Variants in FREM1 observed in about 807,000 individuals in gnomAD.
FREM1 encodes FRAS1-related extracellular matrix protein 1.
Under a neutral mutation model 210.1 loss-of-function variants are expected in FREM1, and 220 were observed. The ratio of observed to expected loss-of-function variants is 1.05; its 90% CI spans 0.94 to 1.17. FREM1 has a LOEUF of 1.17. Among genes scored for constraint, FREM1 ranks in the 50% most tolerant of loss-of-function variants. The pLI is 0.00. For missense variants in FREM1, 3,454 were observed against 2,675.5 expected (o/e 1.29, Z -6.42); for synonymous variants, 1,189 against 980.2 (o/e 1.21, Z -3.98).
At chr9:14,768,454 G>C (rs1322940407) in intron 27 of FREM1, among the ~76,000 whole-genome samples, 1 of 151,890 alleles carries the variant, frequency 6.6e-6, no homozygotes, top group Non-Finnish European at 1.5e-5. Context: ...TTAATGGGTG[G>C]AGGTCATATG....
At position 14,801,045 on chromosome 9, in the gene FREM1, C is replaced by T. The variant is rs1024153889; in HGVS notation, c.3694+607G>A. On this transcript the variant is annotated intron_variant, in intron 20 of 36. Coordinates refer to ENST00000380880, the MANE Select transcript of FREM1 (RefSeq NM_001379081.2). ...TCACTCTGTCGCCCAGGCTGGAAGT[C>T]TGGAGTGCAGTGGCACGATCTCGGC... 6.6e-5 allele frequency among the ~76,000 whole-genome samples: 10 copies of T among 152,260 alleles called. No individual in the cohort carries two copies. The South Asian group carries it at 1.9e-3, about 28-fold the overall frequency.
At chr9:14,820,689 A>T (rs533137291) in intron 13 of FREM1, among the ~76,000 whole-genome samples, 6 of 152,308 alleles carry the variant, frequency 3.9e-5, no homozygotes, top group African/African-American at 1.4e-4. Flanking sequence ...CAATTCTGAG[A>T]CCACTGCCTT....
chr9:14,878,766 T>C (rs1834248339), intron 1 of FREM1, among the ~76,000 whole-genome samples: 1 of 152,208 alleles, frequency 6.6e-6, no homozygotes, highest in African/African-American at 2.4e-5. Flanking sequence ...AAATATTTGT[T>C]AACTAAGTGA....
intron 1 of FREM1, among the ~76,000 whole-genome samples, chr9:14,907,552 G>A (rs887080457): frequency 5.9e-5 from 9 of 152,174 alleles, no homozygotes; most frequent in African/African-American, 1.9e-4. Flanking sequence ...GACAAGATAA[G>A]AGGCTGCCCT....
chr9:14,801,204 G>T (rs1817221634), intron 20 of FREM1, among the ~76,000 whole-genome samples: 1 of 152,124 alleles, frequency 6.6e-6, no homozygotes, highest in East Asian at 1.9e-4. Flanking sequence ...CACCATGTTG[G>T]CCAGGCTGGT....
chr9:14,888,968 T>G (rs1034576129), intron 1 of FREM1, among the ~76,000 whole-genome samples: 1 of 152,236 alleles, frequency 6.6e-6, no homozygotes, highest in African/African-American at 2.4e-5. Context: ...GTATCCCTTT[T>G]TATTAACATA....
intron 16 of FREM1, among the ~76,000 whole-genome samples, chr9:14,811,969 T>C (rs572130687): frequency 9.2e-5 from 14 of 152,184 alleles, no homozygotes; most frequent in African/African-American, 2.6e-4. Flanking sequence ...AGCCAGCAGA[T>C]GAAATATGCA....
At chr9:14,844,671 T>C (rs986076690) in intron 8 of FREM1, among the ~76,000 whole-genome samples, 5 of 152,232 alleles carry the variant, frequency 3.3e-5, no homozygotes, top group African/African-American at 1.2e-4. Context: ...AGAATCCTAG[T>C]TGTATTTGGC....
At chr9:14,775,246 T>A (rs747336946) in intron 25 of FREM1, among the ~76,000 whole-genome samples, 1 of 152,168 alleles carries the variant, frequency 6.6e-6, no homozygotes, top group Non-Finnish European at 1.5e-5. Context: ...GCTAGGTCTG[T>A]CTGACTCCAA....
intron 8 of FREM1, among the ~76,000 whole-genome samples, chr9:14,844,061 CT>C (rs1221934123): frequency 6.6e-6 from 1 of 152,072 alleles, no homozygotes; most frequent in East Asian, 1.9e-4. Context: ...ATACAGAATG[CT>C]TTCTACAGTG....
chr9:14,874,235 T>A (rs183428667), intron 1 of FREM1, among the ~76,000 whole-genome samples: 217 of 152,188 alleles, frequency 1.4e-3, no homozygotes, highest in African/African-American at 4.9e-3. Flanking sequence ...TTAACTTTTG[T>A]CTCGTTGATC....
intron 21 of FREM1, among the ~76,000 whole-genome samples, chr9:14,797,083 C>A (rs975381947): frequency 6.6e-6 from 1 of 152,212 alleles, no homozygotes; most frequent in African/African-American, 2.4e-5. Flanking sequence ...CGCTTAGTTA[C>A]AAGTTTCAGC....
At chr9:14,776,595 G>A (rs923252476) in intron 24 of FREM1, among the ~76,000 whole-genome samples, 2 of 152,022 alleles carry the variant, frequency 1.3e-5, no homozygotes, top group Non-Finnish European at 2.9e-5. Context: ...TTTTTCAATT[G>A]TTTTTTTCTT....
intron 27 of FREM1, 102 bp from the exon 28 acceptor site, chr9:14,760,003 C>A: frequency 1.2e-6 from 1 of 803,504 alleles, no homozygotes; most frequent in Non-Finnish European, 1.9e-6. Context: ...GATCAACCTA[C>A]ACCAGTGATG....
chr9:14,826,024 T>A (rs1822377017), intron 10 of FREM1, among the ~76,000 whole-genome samples: 1 of 152,082 alleles, frequency 6.6e-6, no homozygotes, highest in Non-Finnish European at 1.5e-5. Context: ...TCTCAGAAAG[T>A]GTGGAATTAT....
rs536093696 is a variant in FREM1, at chr9:14,754,797, G to T, written c.5407+1577C>A. Among the ~76,000 whole-genome samples, 3 of 152,234 alleles carry T rather than the reference G, an allele frequency of 2.0e-5. No homozygotes were observed. In the South Asian group the frequency reaches 6.2e-4, roughly 32 times the overall value. On this transcript the variant is annotated intron_variant, in intron 29 of 36. Coordinates refer to ENST00000380880, the MANE Select transcript of FREM1 (RefSeq NM_001379081.2). ...AAATACAAAAAAATTAGCCAGGTGT[G>T]GTGGTGTGCGCCTGTAGTCCCAGCT...
intron 12 of FREM1, 90 bp from the exon 13 acceptor site, chr9:14,823,417 T>A: frequency 8.8e-7 from 1 of 1,136,616 alleles, no homozygotes; most frequent in Non-Finnish European, 1.3e-6. Context: ...TGTTAATTGA[T>A]ATTGAACACT....
At chr9:14,905,093 TA>T (rs879462491) in intron 1 of FREM1, among the ~76,000 whole-genome samples, 53 of 147,956 alleles carry the variant, frequency 3.6e-4, no homozygotes, top group Middle Eastern at 6.9e-3. Flanking sequence ...TCGCAGCCAT[TA>T]AAAAAAAAAG....
rs1373051471 is a variant in FREM1, at chr9:14,746,982, T to C, written c.6079A>G (p.Ile2027Val). The change falls in exon 34 of 37, where the codon ATC becomes GTC. Residue 2027 changes from isoleucine (I) to valine (V), a missense_variant. Physicochemically the swap from Ile to Val is conservative, Grantham distance 29. Coordinates refer to ENST00000380880, the MANE Select transcript of FREM1 (RefSeq NM_001379081.2). Reference protein sequence around the residue: ...LKGLFHFEEGIQKLYQCNGIA... With the variant: ...LKGLFHFEEGVQKLYQCNGIA... ...CCATTGCACTGATACAGCTTCTGGATGCCTTCTTCAAAATGGAAGAGTCCC... is the reference window on the plus strand; with the variant it reads ...CCATTGCACTGATACAGCTTCTGGACGCCTTCTTCAAAATGGAAGAGTCCC... 5 of 1,613,260 alleles carry C rather than the reference T, an allele frequency of 3.1e-6. No individual in the cohort carries two copies. In the East Asian group the frequency reaches 1.1e-4, roughly 36 times the overall value.
Sources: allele counts gnomAD v4.1 joint callset (sites outside exome capture counted in the v4.1 genomes callset), GRCh38; gene constraint gnomAD v4.1.1; transcripts MANE v1.5; gene names NCBI Gene and HGNC (gene_info 2026-07-23, HGNC 2026-07-21).